The following SNAPC1 variants were observed in gnomAD, a reference collection of about 807,000 sequenced individuals.
The protein encoded by SNAPC1 is small nuclear RNA activating complex polypeptide 1.
In SNAPC1, 42 loss-of-function variants were observed where a neutral mutation model predicts 50.1. That is an observed-to-expected ratio of 0.84 (90% CI 0.65 to 1.08). SNAPC1 has a LOEUF of 1.08. Ranked by LOEUF, SNAPC1 falls within the 50% of genes least tolerant of loss-of-function variation. The pLI is 0.00. For missense variants in SNAPC1, 477 were observed against 427.3 expected (o/e 1.12, Z -1.02); for synonymous variants, 164 against 144.2 (o/e 1.14, Z -0.98).
At chr14:61,779,843 G>A (rs1459968321) in intron 7 of SNAPC1, among the ~76,000 whole-genome samples, 10 of 151,538 alleles carry the variant, frequency 6.6e-5, no homozygotes, top group Admixed American at 6.6e-4. Context: ...CGAGTAGCTG[G>A]GATTACAGGC....
chr14:61,782,756 A>G (rs1392916995), intron 8 of SNAPC1, among the ~76,000 whole-genome samples: 2 of 151,970 alleles, frequency 1.3e-5, no homozygotes, highest in Non-Finnish European at 2.9e-5. Flanking sequence ...CTAAAAATAT[A>G]AAAGTCGGGC....
intron 5 of SNAPC1, 135 bp downstream of exon 5, chr14:61,776,388 C>G: frequency 1.4e-6 from 1 of 728,674 alleles, no homozygotes; most frequent in East Asian, 2.8e-5. Flanking sequence ...CTTGGCTTTT[C>G]TAGTTCCACT....
chr14:61,767,085 C>T (rs756446737), intron 2 of SNAPC1, 50 bp downstream of exon 2: 2 of 1,238,690 alleles, frequency 1.6e-6, no homozygotes, highest in East Asian at 5.3e-5. Flanking sequence ...AAACAAGTAC[C>T]ATATTTTTAT....
intron 4 of SNAPC1, among the ~76,000 whole-genome samples, chr14:61,770,275 C>T (rs1467802195): frequency 6.8e-6 from 1 of 146,802 alleles, no homozygotes; most frequent in East Asian, 2.0e-4. Flanking sequence ...CAGGATCTTC[C>T]TCTGTCACCC....
chr14:61,794,659 T>C (rs986393768), intron 9 of SNAPC1, among the ~76,000 whole-genome samples: 1 of 152,140 alleles, frequency 6.6e-6, no homozygotes, highest in Non-Finnish European at 1.5e-5. Context: ...TCGCCCACCT[T>C]AGCCTCCCAG....
intron 8 of SNAPC1, among the ~76,000 whole-genome samples, chr14:61,788,993 G>A (rs1300541026): frequency 5.9e-5 from 9 of 152,200 alleles, no homozygotes; most frequent in Admixed American, 5.9e-4. Flanking sequence ...AGCACTTTGG[G>A]AGGCCGAGGC....
At chr14:61,772,121 G>C (rs537091615) in intron 4 of SNAPC1, among the ~76,000 whole-genome samples, 3 of 152,122 alleles carry the variant, frequency 2.0e-5, no homozygotes, top group African/African-American at 7.2e-5. Context: ...TTTTGAGACA[G>C]GATCTTGCTT....
At chr14:61,782,135 GAT>G (rs2045079604) in intron 7 of SNAPC1, 110 bp from the exon 8 acceptor site, 1 of 833,128 alleles carries the variant, frequency 1.2e-6, no homozygotes, top group Admixed American at 3.0e-5. Flanking sequence ...CTTTATGACA[GAT>G]ATTTCTGTAA....
chr14:61,770,862 C>G (rs1013031397), intron 4 of SNAPC1, among the ~76,000 whole-genome samples: 6 of 152,120 alleles, frequency 3.9e-5, no homozygotes, highest in African/African-American at 1.4e-4. Context: ...ATGCCTCAGC[C>G]TCTCGAGTAG....
intron 5 of SNAPC1, 80 bp downstream of exon 5, chr14:61,776,333 CCTAGTTTTAG>C: frequency 6.0e-6 from 8 of 1,327,948 alleles, no homozygotes; most frequent in African/African-American, 2.9e-5. Flanking sequence ...TGGGAGGCAG[CCTAGTTTTAG>C]AGGCTGTAAT....
At chr14:61,787,589 C>T (rs1301901149) in intron 8 of SNAPC1, among the ~76,000 whole-genome samples, 1 of 152,144 alleles carries the variant, frequency 6.6e-6, no homozygotes, top group East Asian at 1.9e-4. Context: ...TACAGAACAG[C>T]TGGATTGGTT....
At chr14:61,785,330 C>T (rs1354287974) in intron 8 of SNAPC1, among the ~76,000 whole-genome samples, 4 of 152,072 alleles carry the variant, frequency 2.6e-5, no homozygotes, top group African/African-American at 7.2e-5. Flanking sequence ...ACCCGGGAGG[C>T]GGAGGTTGCG....
In SNAPC1 at chr14:61,782,381, GTC is replaced by G. The variant is rs1265804334; in HGVS notation, c.965_966del (p.Leu322GlnfsTer14). 6 of 1,609,528 alleles carry G rather than the reference GTC, an allele frequency of 3.7e-6. No individual in the cohort carries two copies. Among genetic ancestry groups the G allele is most frequent in the African/African-American group, 1.3e-5 (1 of 74,630 alleles). On this transcript the variant is annotated frameshift_variant, in exon 8 of 10. Transcript: ENST00000216294. LOFTEE classifies it high-confidence loss of function. ...ERLKPAGRKM[S>X]LRNKGNVQNI... ...GATTGAAACCAGCAGGAAGGAAGAT[GTC>G]TCTCAGAAACAAAGGTAACTTTTTA...
chr14:61,789,353 TATG>T (rs973350994), intron 8 of SNAPC1, among the ~76,000 whole-genome samples: 52 of 152,130 alleles, frequency 3.4e-4, no homozygotes, highest in African/African-American at 1.3e-3. Context: ...TTTAAAAAAG[TATG>T]ATCTCGTTTC....
intron 5 of SNAPC1, among the ~76,000 whole-genome samples, chr14:61,777,055 T>A (rs1448686453): frequency 6.6e-6 from 1 of 152,224 alleles, no homozygotes; most frequent in Non-Finnish European, 1.5e-5. Flanking sequence ...AATTTCTGAT[T>A]ACTTACTATG....
At chr14:61,784,463 T>TA (rs35720806) in intron 8 of SNAPC1, among the ~76,000 whole-genome samples, 22,196 of 148,114 alleles carry the variant, frequency 0.15, 1,938 homozygotes, top group South Asian at 0.32. Flanking sequence ...ATTCTTGATT[T>TA]AAAAAAAAAA....
intron 8 of SNAPC1, among the ~76,000 whole-genome samples, chr14:61,783,683 C>A (rs1313900756): frequency 2.0e-5 from 3 of 151,628 alleles, no homozygotes; most frequent in South Asian, 4.2e-4. Context: ...CTACAGGCGC[C>A]CACCACCATG....
At chr14:61,776,983 T>C (rs1201206687) in intron 5 of SNAPC1, among the ~76,000 whole-genome samples, 1 of 152,250 alleles carries the variant, frequency 6.6e-6, no homozygotes, top group Non-Finnish European at 1.5e-5. Context: ...AAATTTACTT[T>C]TGAAACTATT....
chr14:61,790,589 A>G (rs1158117763), intron 8 of SNAPC1, among the ~76,000 whole-genome samples: 1 of 152,178 alleles, frequency 6.6e-6, no homozygotes, highest in Non-Finnish European at 1.5e-5. Context: ...CACCCACCTC[A>G]GCCTCCTAAA....
Sources: gnomAD v4.1 joint callset for allele counts (sites outside exome capture counted in the v4.1 genomes callset) on GRCh38, gnomAD v4.1.1 for gene constraint, MANE v1.5 for transcripts, NCBI Gene and HGNC (gene_info 2026-07-23, HGNC 2026-07-21) for gene names.